NEB: variants seen among roughly 807,000 people sequenced by gnomAD.
The protein encoded by NEB is nemaline myopathy type 2.
A neutral mutation model predicts 952.2 loss-of-function variants in NEB; 512 were observed. The observed-to-expected ratio is 0.54, with a 90% CI of 0.50 to 0.58. NEB has a LOEUF of 0.58. Ranked by LOEUF, NEB falls within the 20% of genes least tolerant of loss-of-function variation. NEB has a pLI of 0.00. For missense variants in NEB, 8,428 were observed against 9,231.1 expected (o/e 0.91, Z 3.56); for synonymous variants, 2,900 against 3,149.8 (o/e 0.92, Z 2.66).
Position 151,508,116 on chromosome 2 carries a change from A to C in NEB, c.23347-7T>G. ...CATCTTCCTTGTACTTTTTCTGGGA[A>C]TAGATTCCAAGAAATAAGGAGGGTA... is the stretch of plus-strand genomic sequence containing the variant. On this transcript the variant is annotated splice_polypyrimidine_tract_variant and splice_region_variant and intron_variant, in intron 161 of 181. Transcript: ENST00000397345. The C allele has an allele frequency of 6.3e-7, 1 of 1,585,048 alleles. No homozygotes were observed. Among genetic ancestry groups the C allele is most frequent in the Non-Finnish European group, 8.6e-7 (1 of 1,160,202 alleles).
In NEB at chr2:151,506,183, G is replaced by A; in HGVS notation, c.23632C>T (p.Gln7878Ter). 6.2e-7 allele frequency: 1 copy of A among 1,612,558 alleles called. No individual in the cohort carries two copies. Among genetic ancestry groups the A allele is most frequent in the Non-Finnish European group, 8.5e-7 (1 of 1,178,546 alleles). ...GTCTTTACCGAGCTAATGTGGTCCT[G>A]TGTTTGTTTCACTCTCATCATCTCA... The part of the protein sequence containing the change: ...TPEMMRVKQT[Q>*]DHISSVKYKE... The change falls in exon 164 of 182, where the codon CAG (glutamine) becomes TAG (stop). Residue 7878 changes from glutamine (Q) to a stop codon, truncating the protein, a stop_gained. Transcript: ENST00000397345. LOFTEE classifies it high-confidence loss of function.
In NEB at chr2:151,709,772, C is replaced by T; in HGVS notation, c.928-9G>A. ...TCTTCCTGGTATTTCCTCTGTAAGA[C>T]ATCAGACAAGCTGAAGAACTGCTGT... On this transcript the variant is annotated splice_polypyrimidine_tract_variant and intron_variant, in intron 11 of 181. Coordinates refer to ENST00000397345, the MANE Select transcript of NEB (RefSeq NM_001164508.2). 1 of 1,565,790 alleles carries T rather than the reference C, an allele frequency of 6.4e-7. No individual in the cohort carries two copies. Among genetic ancestry groups the T allele is most frequent in the Non-Finnish European group, 8.7e-7 (1 of 1,147,294 alleles).
At position 151,672,565 on chromosome 2, in the gene NEB, C is replaced by T. The variant is rs201984572; in HGVS notation, c.4103G>A (p.Arg1368His). Reference sequence around the variant, plus strand: ...GTTCTCATAGTTCTTCTTGTATTCACGATCAGACTGCAGCTTTGCCACATT... The same window carrying T: ...GTTCTCATAGTTCTTCTTGTATTCATGATCAGACTGCAGCTTTGCCACATT... ...YMNVAKLQSD[R>H]EYKKNYENTK... The change falls in exon 37 of 182, where the codon CGT (arginine) becomes CAT (histidine). Residue 1368 changes from arginine (R) to histidine (H), a missense_variant. Around this residue, in one of 11 missense-constraint regions of NEB, gnomAD observed 2,851 missense variants for 2,791.5 expected, o/e 1.02. Transcript: ENST00000397345. The T allele has an allele frequency of 3.0e-5, 49 of 1,613,964 alleles. No homozygotes were observed. Among genetic ancestry groups the T allele is most frequent in the Admixed American group, 1.5e-4 (9 of 60,008 alleles).
chr2:151,620,361 A>G (rs1353908750), intron 72 of NEB, among the ~76,000 whole-genome samples: 4 of 73,822 alleles, frequency 5.4e-5, no homozygotes, highest in African/African-American at 1.6e-4. Flanking sequence ...ATATATATAT[A>G]TATATATATA....
Position 151,505,554 on chromosome 2 carries a change from G to C in NEB, c.23666C>G (p.Ala7889Gly), listed in dbSNP as rs2153171689. The C allele has an allele frequency of 6.2e-7, 1 of 1,613,414 alleles. No individual in the cohort carries two copies. Among genetic ancestry groups the C allele is most frequent in the Admixed American group, 1.7e-5 (1 of 60,008 alleles). The change falls in exon 165 of 182, where the codon GCA (alanine) becomes GGA (glycine). Residue 7889 changes from alanine to glycine, a missense_variant. This residue lies in a region of NEB where 3,374 missense variants were observed against 3,651.5 expected (regional missense o/e 0.92). Transcript: ENST00000397345. ...DHISSVKYKE[A>G]IGQGTPIPDL... The stretch of plus-strand genomic sequence containing the variant: ...AGGGATTGGAGTTCCTTGTCCTATT[G>C]CTTCCTTATACTTCACCTGCAGATT...
Position 151,612,175 on chromosome 2 carries a change from T to C in NEB, c.11805+11A>G. ...TATGATTCTGGCAACAGAAAACAGCTGGAGACTCACCTTGCTCATTGTCAG... is the reference window on the plus strand; with the variant it reads ...TATGATTCTGGCAACAGAAAACAGCCGGAGACTCACCTTGCTCATTGTCAG... On this transcript the variant is annotated intron_variant, in intron 78 of 181. Coordinates refer to ENST00000397345, the MANE Select transcript of NEB (RefSeq NM_001164508.2). 6.2e-7 allele frequency: 1 copy of C among 1,610,848 alleles called. No homozygotes were observed. The highest frequency in any genetic ancestry group is 8.5e-7 in the Non-Finnish European group (1 of 1,177,524).
chr2:151,658,045 C>G lies in NEB; in HGVS notation c.6121G>C (p.Asp2041His). 6.2e-7 allele frequency: 1 copy of G among 1,610,782 alleles called. No homozygotes were observed. The highest frequency in any genetic ancestry group is 8.5e-7 in the Non-Finnish European group (1 of 1,178,090). ...SLEESKKKGY[D>H]LRPDAIPIKA... ...ATAGGAATTGCATCAGGTCTGAGAT[C>G]ATAGCCTTTCTTTTTAGACTCTTCC... The change falls in exon 48 of 182, where the codon GAT (aspartate) becomes CAT (histidine). Residue 2041 changes from aspartate (D) to histidine (H), a missense_variant. Coordinates refer to ENST00000397345, the MANE Select transcript of NEB (RefSeq NM_001164508.2).
intron 23 of NEB, 141 bp downstream of exon 23, chr2:151,691,723 T>G: frequency 1.5e-6 from 1 of 679,222 alleles, no homozygotes; most frequent in Admixed American, 2.4e-5. Context: ...TGTTCCCCGG[T>G]TCCACCCCAA....
intron 72 of NEB, among the ~76,000 whole-genome samples, chr2:151,620,385 A>G (rs1269486273): frequency 7.6e-6 from 1 of 131,476 alleles, no homozygotes; most frequent in Non-Finnish European, 1.7e-5. Context: ...ATATATATAT[A>G]TATATATTTA....
intron 13 of NEB, among the ~76,000 whole-genome samples, chr2:151,699,940 T>C (rs1340321917): frequency 2.7e-5 from 4 of 149,718 alleles, no homozygotes; most frequent in Non-Finnish European, 4.5e-5. Flanking sequence ...TCCTTGCCCA[T>C]GCCTATGTCC....
At chr2:151,564,521 C>T (rs1363856269) in intron 117 of NEB, among the ~76,000 whole-genome samples, 2 of 152,206 alleles carry the variant, frequency 1.3e-5, no homozygotes, top group Non-Finnish European at 2.9e-5. Context: ...AATTTGCACA[C>T]AGGGAGAGAA....
Position 151,560,705 on chromosome 2 carries a change from G to T in NEB, c.19207-6C>A, listed in dbSNP as rs1467246404. 6.3e-7 allele frequency: 1 copy of T among 1,600,000 alleles called. No homozygotes were observed. The highest frequency in any genetic ancestry group is 8.5e-7 in the Non-Finnish European group (1 of 1,170,870). ...CAGGCCTCCTTGTACAGGTTCTGCA[G>T]GAATTAAAGACCTTCTTGTGAATAT... On this transcript the variant is annotated splice_region_variant and splice_polypyrimidine_tract_variant and intron_variant, in intron 123 of 181. Coordinates refer to ENST00000397345, the MANE Select transcript of NEB (RefSeq NM_001164508.2).
chr2:151,725,140 G>A (rs1179800876), intron 6 of NEB, among the ~76,000 whole-genome samples, 179 bp from the exon 7 acceptor site: 1 of 152,184 alleles, frequency 6.6e-6, no homozygotes, highest in Admixed American at 6.5e-5. Flanking sequence ...TTTACTGCTT[G>A]TCTGCTTTCC....
chr2:151,650,920 C>G (rs1030201159), intron 52 of NEB, 35 bp from the exon 53 acceptor site: 44 of 1,537,458 alleles, frequency 2.9e-5, no homozygotes, highest in Non-Finnish European at 3.8e-5. Flanking sequence ...TTTTAGTACA[C>G]AAAGGCCAAG....
intron 28 of NEB, among the ~76,000 whole-genome samples, chr2:151,683,663 T>C (rs570130830): frequency 6.6e-6 from 1 of 152,294 alleles, no homozygotes; most frequent in African/African-American, 2.4e-5. Context: ...TGGTGGTTCC[T>C]CTACAAATAA....
chr2:151,674,650 G>T, intron 35 of NEB, 66 bp from the exon 36 acceptor site: 1 of 1,252,900 alleles, frequency 8.0e-7, no homozygotes. Context: ...GGATTGTTTT[G>T]TTCTTTTCCA....
intron 137 of NEB, 87 bp downstream of exon 137, chr2:151,540,610 A>G (rs2093913275): frequency 4.1e-6 from 5 of 1,233,954 alleles, no homozygotes; most frequent in Non-Finnish European, 4.7e-6. Flanking sequence ...TATAGTAATG[A>G]GCTCTCTGAT....
Position 151,498,364 on chromosome 2 carries a change from G to T in NEB, c.24115-12C>A. 6.6e-7 allele frequency: 1 copy of T among 1,525,860 alleles called. No individual in the cohort carries two copies. The highest frequency in any genetic ancestry group is 1.4e-5 in the African/African-American group (1 of 72,270). The allele number at this position is 1,525,860 out of a possible 1,614,324, so 94.5% of individuals were successfully genotyped here. A position where few individuals can be genotyped will look rare whatever the true frequency, so the allele number is the denominator to read the frequency against. On this transcript the variant is annotated splice_polypyrimidine_tract_variant and intron_variant, in intron 169 of 181. Transcript: ENST00000397345. ...TCTTTGTATAGCACCTGTATGATGA[G>T]AAAGCATCCAGAACAAAAAAAGCAA...
chr2:151,664,472 C>T, intron 44 of NEB, 29 bp downstream of exon 44: 1 of 1,496,820 alleles, frequency 6.7e-7, no homozygotes, highest in Non-Finnish European at 9.0e-7. Flanking sequence ...ACTTGCTCAA[C>T]CCCAAAAAGG....
Sources: allele counts gnomAD v4.1 joint callset (sites outside exome capture counted in the v4.1 genomes callset), GRCh38; gene constraint gnomAD v4.1.1; regional missense constraint gnomAD v4.1.1; transcripts MANE v1.5; gene names NCBI Gene and HGNC (gene_info 2026-07-23, HGNC 2026-07-21).